Variants in SORCS2 observed in about 807,000 individuals in gnomAD.
SORCS2 encodes sortilin related VPS10 domain containing receptor 2.
SORCS2 carries 100 observed loss-of-function variants against 141.6 expected under a neutral mutation model. The observed-to-expected ratio is 0.71, with a 90% CI of 0.60 to 0.83. The LOEUF is 0.83. Ranked by LOEUF, SORCS2 falls within the 40% of genes least tolerant of loss-of-function variation. SORCS2 has a pLI of 0.00. For missense variants in SORCS2, 1,646 were observed against 1,560.2 expected (o/e 1.05, Z -0.93); for synonymous variants, 789 against 676.9 (o/e 1.17, Z -2.57).
In SORCS2 at chr4:7,371,699, C is replaced by T. The variant is rs186643940; in HGVS notation, c.481-24589C>T. ...ATTACTTGTGGATGAACTGAGCTGC[C>T]GCATAGCCACCTACACACTGACCCC... On this transcript the variant is annotated intron_variant, in intron 1 of 26. Transcript: ENST00000507866. 7.4e-3 allele frequency among the ~76,000 whole-genome samples: 1,130 copies of T among 152,262 alleles called. 7 individuals are homozygous for T. The highest frequency in any genetic ancestry group is 0.011 in the Non-Finnish European group (761 of 68,016).
At chr4:7,510,291 C>T (rs1344751738) in intron 2 of SORCS2, among the ~76,000 whole-genome samples, 3 of 152,248 alleles carry the variant, frequency 2.0e-5, no homozygotes, top group Non-Finnish European at 2.9e-5. Flanking sequence ...GAGTCCTGCG[C>T]CGGCCCCCGA....
intron 2 of SORCS2, among the ~76,000 whole-genome samples, chr4:7,467,977 C>T (rs1336079977): frequency 1.3e-5 from 2 of 152,226 alleles, no homozygotes; most frequent in Non-Finnish European, 2.9e-5. Context: ...CTCTGTCCTC[C>T]TGGCTTCAGA....
At chr4:7,725,127 A>C (rs993523672) in intron 19 of SORCS2, 27 bp from the exon 20 acceptor site, 7 of 1,608,860 alleles carry the variant, frequency 4.4e-6, no homozygotes, top group Non-Finnish European at 5.9e-6. Flanking sequence ...GATATCATCT[A>C]ACCCTGGCCT....
intron 2 of SORCS2, among the ~76,000 whole-genome samples, chr4:7,501,013 C>T (rs899098311): frequency 6.6e-6 from 1 of 152,244 alleles, no homozygotes; most frequent in African/African-American, 2.4e-5. Flanking sequence ...GCCCTCTGAG[C>T]CGCTACAGCT....
chr4:7,350,183 CTG>C (rs1375933569), intron 1 of SORCS2, among the ~76,000 whole-genome samples: 4 of 152,240 alleles, frequency 2.6e-5, no homozygotes, highest in African/African-American at 7.2e-5. Flanking sequence ...GGAACCCACT[CTG>C]TGCGAATTTC....
chr4:7,708,466 C>T (rs533061835), intron 14 of SORCS2, among the ~76,000 whole-genome samples: 81 of 152,222 alleles, frequency 5.3e-4, no homozygotes, highest in Admixed American at 1.2e-3. Flanking sequence ...GGGTGGGTCC[C>T]GCTGGCCGGC....
chr4:7,403,995 ATATTTTTTT>A (rs1358759487), intron 2 of SORCS2, among the ~76,000 whole-genome samples: 603 of 9,528 alleles, frequency 0.063, 11 homozygotes, highest in Middle Eastern at 0.12. Context: ...ATATATATAT[ATATTTTTTT>A]TTTTTTTTTA....
At chr4:7,421,335 C>T (rs929809488) in intron 2 of SORCS2, among the ~76,000 whole-genome samples, 1 of 152,180 alleles carries the variant, frequency 6.6e-6, no homozygotes, top group Admixed American at 6.5e-5. Flanking sequence ...AGAACGCAGG[C>T]TTGTGGACCT....
At chr4:7,453,156 G>A in intron 2 of SORCS2, among the ~76,000 whole-genome samples, 1 of 135,278 alleles carries the variant, frequency 7.4e-6, no homozygotes, top group Admixed American at 7.4e-5. Flanking sequence ...GTTGGGGTCA[G>A]GTGCTGTGTT....
rs148645473 is a variant in SORCS2 at position 7,302,815 on chromosome 4, G to T, written c.481-93473G>T. Among the ~76,000 whole-genome samples the T allele has an allele frequency of 3.9e-4, 59 of 151,894 alleles. 1 individual carries two copies. In the East Asian group the frequency reaches 7.2e-3, roughly 18 times the overall value. ...CGCGCGCGTGTGTGTGTGTTTGTAG[G>T]AGTGTTCTCCTATACCTTTTTACGC... On this transcript the variant is annotated intron_variant, in intron 1 of 26. Transcript: ENST00000507866.
At chr4:7,681,168 G>A (rs35348845) in intron 9 of SORCS2, among the ~76,000 whole-genome samples, 58,986 of 152,006 alleles carry the variant, frequency 0.39, 11,776 homozygotes, top group African/African-American at 0.45. Context: ...GGACTGCACT[G>A]GAGAGAATAG....
chr4:7,468,333 T>C (rs1729746764), intron 2 of SORCS2, among the ~76,000 whole-genome samples: 1 of 152,236 alleles, frequency 6.6e-6, no homozygotes, highest in African/African-American at 2.4e-5. Flanking sequence ...AAGCCTCGTA[T>C]GCATGGCTGT....
At chr4:7,439,705 C>T (rs1727535467) in intron 2 of SORCS2, among the ~76,000 whole-genome samples, 1 of 152,216 alleles carries the variant, frequency 6.6e-6, no homozygotes, top group Non-Finnish European at 1.5e-5. Flanking sequence ...GAGATCCAGG[C>T]ATGTTGTTCC....
chr4:7,630,978 A>C (rs1482360793), intron 3 of SORCS2, among the ~76,000 whole-genome samples: 1 of 151,958 alleles, frequency 6.6e-6, no homozygotes, highest in East Asian at 1.9e-4. Context: ...AGAGTTCTGC[A>C]GAGGCGAGTG....
At chr4:7,486,412 C>T (rs13144220) in intron 2 of SORCS2, among the ~76,000 whole-genome samples, 2 of 121,964 alleles carry the variant, frequency 1.6e-5, no homozygotes, top group African/African-American at 7.8e-5. Context: ...GCGGCCTCCA[C>T]GACCCCCTGG....
intron 2 of SORCS2, among the ~76,000 whole-genome samples, chr4:7,452,172 G>T (rs1301602140): frequency 1.3e-5 from 2 of 150,880 alleles, no homozygotes; most frequent in African/African-American, 2.4e-5. Flanking sequence ...ATGGAGACTT[G>T]CTCTGTCACC....
chr4:7,433,163 C>T (rs528093153), intron 2 of SORCS2: 358 of 763,798 alleles, frequency 4.7e-4, no homozygotes, highest in Middle Eastern at 2.8e-3. Context: ...GAGAGGCTTT[C>T]GGGATCAGGA....
chr4:7,247,702 G>A (rs550250780), intron 1 of SORCS2, among the ~76,000 whole-genome samples: 5 of 152,336 alleles, frequency 3.3e-5, no homozygotes, highest in African/African-American at 4.8e-5. Flanking sequence ...AGCGGGGCGC[G>A]GCCTGGGGGA....
intron 3 of SORCS2, among the ~76,000 whole-genome samples, chr4:7,552,588 G>A (rs538611429): frequency 6.6e-6 from 1 of 152,218 alleles, no homozygotes; most frequent in Non-Finnish European, 1.5e-5. Context: ...CACTAGGTAG[G>A]TAGAGAAAGC....
Sources: allele counts gnomAD v4.1 joint callset (sites outside exome capture counted in the v4.1 genomes callset), GRCh38; gene constraint gnomAD v4.1.1; transcripts MANE v1.5; gene names NCBI Gene and HGNC (gene_info 2026-07-23, HGNC 2026-07-21).